Variants in NAV2 observed in about 807,000 individuals in gnomAD.
The protein encoded by NAV2 is helicase, APC down-regulated 1.
A neutral mutation model predicts 223.2 loss-of-function variants in NAV2; 54 were observed. That is an observed-to-expected ratio of 0.24 (90% confidence interval 0.19 to 0.30). The LOEUF (loss-of-function observed/expected upper bound fraction) is 0.30. Among genes scored for constraint, NAV2 ranks in the 10% least tolerant of loss-of-function variants. The pLI is 1.00. For synonymous variants in NAV2, 1,279 were observed against 1,239.3 expected, an observed-to-expected ratio of 1.03 and a Z score of -0.67; for missense variants, 2,806 against 3,147.5, an observed-to-expected ratio of 0.89 and a Z score of 2.60.
chr11:19,744,826 A>G (rs2053199864), intron 1 of NAV2, among the ~76,000 whole-genome samples: 1 of 152,172 alleles, frequency 6.6e-6, no homozygotes, highest in Non-Finnish European at 1.5e-5. Context: ...CCTGACATAG[A>G]TGTCAAATGC....
chr11:19,623,308 G>A (rs1429222663), intron 1 of NAV2, among the ~76,000 whole-genome samples: 1 of 152,098 alleles, frequency 6.6e-6, no homozygotes, highest in Non-Finnish European at 1.5e-5. Flanking sequence ...TTGAATGTTG[G>A]CCTGCCTTGC....
intron 1 of NAV2, among the ~76,000 whole-genome samples, chr11:19,495,677 G>A (rs188786877): frequency 6.6e-6 from 1 of 152,174 alleles, no homozygotes; most frequent in Admixed American, 6.5e-5. Flanking sequence ...CTAAATGCAT[G>A]GATGAGAGAG....
At chr11:20,045,976 T>C (rs1052747482) in intron 14 of NAV2, among the ~76,000 whole-genome samples, 2 of 152,194 alleles carry the variant, frequency 1.3e-5, no homozygotes, top group Non-Finnish European at 2.9e-5. Flanking sequence ...TGAAGATACT[T>C]TTTTGTCAGG....
At chr11:20,063,111 A>C (rs1452114120) in intron 20 of NAV2, among the ~76,000 whole-genome samples, 1 of 152,230 alleles carries the variant, frequency 6.6e-6, no homozygotes, top group Non-Finnish European at 1.5e-5. Flanking sequence ...CTTTCTAGAC[A>C]AGGACATTTT....
Position 19,413,269 on chromosome 11 carries a change from G to A in NAV2, c.75+62242G>A, listed in dbSNP as rs566430978. ...CTGAAAAACACAGTACGAGAACTTC[G>A]TGAAGCATAAACAAGTATCAATACC... On this transcript the variant is annotated intron_variant, in intron 1 of 37. Coordinates refer to the NAV2 transcript ENST00000360655. Among the ~76,000 whole-genome samples, 51 of 152,184 alleles carry A rather than the reference G, an allele frequency of 3.4e-4. No homozygotes were observed. In the South Asian group the frequency reaches 3.7e-3, roughly 11 times the overall value.
At chr11:20,083,682 G>A (rs895533010) in intron 26 of NAV2, among the ~76,000 whole-genome samples, 10 of 152,264 alleles carry the variant, frequency 6.6e-5, no homozygotes, top group African/African-American at 2.2e-4. Context: ...TGGGAGAAGA[G>A]GGAAGTCATG....
intron 1 of NAV2, among the ~76,000 whole-genome samples, chr11:19,497,718 C>A (rs2042842207): frequency 6.6e-6 from 1 of 151,954 alleles, no homozygotes; most frequent in Non-Finnish European, 1.5e-5. Flanking sequence ...GAATTTGTGA[C>A]CCTAAAGCCA....
intron 1 of NAV2, among the ~76,000 whole-genome samples, chr11:19,497,779 G>C (rs1421387713): frequency 6.6e-6 from 1 of 152,078 alleles, no homozygotes; most frequent in Admixed American, 6.6e-5. Flanking sequence ...GCCCAGCTCT[G>C]TGCTTCCAAG....
At chr11:19,885,270 T>A (rs1000689421) in intron 5 of NAV2, among the ~76,000 whole-genome samples, 5 of 152,198 alleles carry the variant, frequency 3.3e-5, no homozygotes, top group Admixed American at 2.6e-4. Context: ...ACATAAAAAA[T>A]GGACGAACCA....
intron 1 of NAV2, among the ~76,000 whole-genome samples, chr11:19,633,268 G>A (rs1467170780): frequency 6.6e-6 from 1 of 152,216 alleles, no homozygotes. Context: ...CCAGGTTGTT[G>A]AGGCAAGTGA....
chr11:20,015,575 G>A (rs990788666), intron 11 of NAV2, among the ~76,000 whole-genome samples: 4 of 151,912 alleles, frequency 2.6e-5, no homozygotes, highest in African/African-American at 4.8e-5. Flanking sequence ...CATGGATTGC[G>A]GTTAAATGTA....
chr11:19,428,058 C>A (rs751967490), intron 1 of NAV2, among the ~76,000 whole-genome samples: 1 of 152,034 alleles, frequency 6.6e-6, no homozygotes, highest in Non-Finnish European at 1.5e-5. Flanking sequence ...GAAAGAACTT[C>A]TTTACCCTGA....
chr11:19,847,555 A>T (rs1388054419), intron 3 of NAV2, among the ~76,000 whole-genome samples: 2 of 152,170 alleles, frequency 1.3e-5, no homozygotes, highest in Admixed American at 1.3e-4. Flanking sequence ...CTTTTCTGCT[A>T]TTCTGCAGCC....
chr11:19,466,172 C>G (rs936447954), intron 1 of NAV2, among the ~76,000 whole-genome samples: 2 of 152,156 alleles, frequency 1.3e-5, no homozygotes, highest in Non-Finnish European at 2.9e-5. Context: ...AGACAGGCAG[C>G]ATTTATAAAA....
chr11:19,908,045 A>AGTC (rs2043015583), intron 6 of NAV2, among the ~76,000 whole-genome samples: 1 of 152,186 alleles, frequency 6.6e-6, no homozygotes, highest in South Asian at 2.1e-4. Context: ...TTGAGGTGTT[A>AGTC]GTCAGCATTA....
At chr11:20,016,251 G>A (rs2053995090) in intron 11 of NAV2, among the ~76,000 whole-genome samples, 1 of 152,180 alleles carries the variant, frequency 6.6e-6, no homozygotes, top group Non-Finnish European at 1.5e-5. Flanking sequence ...ACTGAGGGTG[G>A]AAAGTCTGGA....
At chr11:19,466,315 C>T (rs977752384) in intron 1 of NAV2, among the ~76,000 whole-genome samples, 1 of 152,192 alleles carries the variant, frequency 6.6e-6, no homozygotes, top group Admixed American at 6.5e-5. Flanking sequence ...CCCTTATTTT[C>T]TCTACCAAAT....
At chr11:19,472,293 A>G (rs927320804) in intron 1 of NAV2, among the ~76,000 whole-genome samples, 2 of 152,164 alleles carry the variant, frequency 1.3e-5, no homozygotes, top group African/African-American at 4.8e-5. Flanking sequence ...CCTGGCTTCA[A>G]CTTCTACCTG....
intron 8 of NAV2, among the ~76,000 whole-genome samples, chr11:19,944,796 TTCTG>T (rs746500039): frequency 5.3e-5 from 8 of 149,712 alleles, no homozygotes; most frequent in Non-Finnish European, 1.2e-4. Context: ...CTGGCTGGCT[TTCTG>T]TCTGTCTTTT....
Sources: gnomAD v4.1 joint callset for allele counts (sites outside exome capture counted in the v4.1 genomes callset) on GRCh38, gnomAD v4.1.1 for gene constraint, MANE v1.5 for transcripts, NCBI Gene and HGNC (gene_info 2026-07-23, HGNC 2026-07-21) for gene names.